Variants in SGTB observed in about 807,000 individuals in gnomAD.
SGTB encodes the protein small glutamine-rich tetratricopeptide repeat-containing protein beta.
In SGTB, 19 loss-of-function variants were observed where a neutral mutation model predicts 43.9. The observed-to-expected ratio is 0.43, with a 90% CI of 0.30 to 0.63. SGTB has a LOEUF of 0.63. Among genes scored for constraint, SGTB ranks in the 30% least tolerant of loss-of-function variants. The pLI, the probability that SGTB is intolerant of heterozygous loss-of-function variation, is 0.12. For synonymous variants in SGTB, 116 were observed against 117.3 expected, an observed-to-expected ratio of 0.99 and a Z score of 0.07; for missense variants, 304 against 358.9, an observed-to-expected ratio of 0.85 and a Z score of 1.24.
chr5:65,707,401 C>T (rs952531026), intron 4 of SGTB, among the ~76,000 whole-genome samples: 11 of 139,702 alleles, frequency 7.9e-5, no homozygotes, highest in African/African-American at 3.2e-4. Flanking sequence ...TTTATACACA[C>T]ACACACACAC....
At chr5:65,701,098 T>C (rs1162504410) in intron 5 of SGTB, among the ~76,000 whole-genome samples, 1 of 149,906 alleles carries the variant, frequency 6.7e-6, no homozygotes, top group Non-Finnish European at 1.5e-5. Context: ...ACAGGAGTTA[T>C]AGGAAAACAA....
In SGTB at chr5:65,671,908, T is replaced by C. The variant is rs376391253; in HGVS notation, c.803+7A>G. The stretch of plus-strand genomic sequence containing the variant: ...TCTTCACTATTTCTGTTTTAAATAA[T>C]ACTTACGCTTGGATGAGGCTTGACA... On this transcript the variant is annotated splice_region_variant and intron_variant, in intron 10 of 10. Coordinates refer to ENST00000381007, the MANE Select transcript of SGTB (RefSeq NM_019072.3). 6.2e-7 allele frequency: 1 copy of C among 1,612,808 alleles called. No homozygotes were observed. Among genetic ancestry groups the C allele is most frequent in the African/African-American group, 1.3e-5 (1 of 74,920 alleles).
intron 6 of SGTB, among the ~76,000 whole-genome samples, chr5:65,681,573 G>T (rs190366936): frequency 6.6e-6 from 1 of 152,122 alleles, no homozygotes; most frequent in Non-Finnish European, 1.5e-5. Context: ...AGTCAACCAT[G>T]TATGATACTT....
intron 3 of SGTB, among the ~76,000 whole-genome samples, chr5:65,709,560 G>A (rs760785523): frequency 2.6e-5 from 4 of 151,862 alleles, no homozygotes; most frequent in Admixed American, 6.6e-5. Context: ...TGTATTTTTC[G>A]TAAAGATGGG....
intron 2 of SGTB, among the ~76,000 whole-genome samples, chr5:65,718,759 T>A (rs995885387): frequency 6.6e-6 from 1 of 152,138 alleles, no homozygotes; most frequent in African/African-American, 2.4e-5. Flanking sequence ...TCAAAAACAA[T>A]TGGCACCCTT....
At chr5:65,670,517 C>G (rs1292652833) in intron 10 of SGTB, among the ~76,000 whole-genome samples, 160 bp from the exon 11 acceptor site, 1 of 152,128 alleles carries the variant, frequency 6.6e-6, no homozygotes, top group African/African-American at 2.4e-5. Flanking sequence ...TTACCAATGC[C>G]TCCATATAGC....
intron 8 of SGTB, among the ~76,000 whole-genome samples, chr5:65,674,670 C>G (rs1370797227): frequency 6.6e-6 from 1 of 152,154 alleles, no homozygotes. Flanking sequence ...TGTTTTTTAT[C>G]CCCATCTTTT....
chr5:65,685,434 G>T lies in SGTB; in HGVS notation c.413C>A (p.Ala138Glu), dbSNP rs141743649. The change falls in exon 6 of 11, where the codon GCG becomes GAG. Residue 138 changes from alanine (A) to glutamate (E), a missense_variant. By Grantham distance (107) the Ala-to-Glu change is moderately radical. Transcript: ENST00000381007. ...AQSKLGHYTDAIKDCEKAIAI... is the reference protein window; with the variant it reads ...AQSKLGHYTDEIKDCEKAIAI... ...TATTGCTTTTTCACAATCCTTTATCGCATCTGTGTAGTGACCTAATTTGCT... is the reference window on the plus strand; with the variant it reads ...TATTGCTTTTTCACAATCCTTTATCTCATCTGTGTAGTGACCTAATTTGCT... 2 of 1,613,822 alleles carry T rather than the reference G, an allele frequency of 1.2e-6. No individual in the cohort carries two copies. Among genetic ancestry groups the T allele is most frequent in the African/African-American group, 2.7e-5 (2 of 74,858 alleles).
chr5:65,683,021 T>C (rs1018931846), intron 6 of SGTB, among the ~76,000 whole-genome samples: 2 of 152,034 alleles, frequency 1.3e-5, no homozygotes, highest in Non-Finnish European at 2.9e-5. Context: ...TTATTTAATA[T>C]ATATATTTTA....
intron 4 of SGTB, 62 bp downstream of exon 4, chr5:65,708,427 A>G: frequency 1.4e-6 from 2 of 1,397,966 alleles, no homozygotes; most frequent in Non-Finnish European, 1.0e-6. Flanking sequence ...ATCAATTGAC[A>G]GTAATTTCCT....
At chr5:65,679,255 T>G (rs1387870842) in intron 8 of SGTB, among the ~76,000 whole-genome samples, 2 of 152,212 alleles carry the variant, frequency 1.3e-5, no homozygotes, top group Non-Finnish European at 2.9e-5. Context: ...TCAACATCAT[T>G]GATCATTAGA....
At chr5:65,678,434 T>C (rs1249167469) in intron 8 of SGTB, among the ~76,000 whole-genome samples, 1 of 152,224 alleles carries the variant, frequency 6.6e-6, no homozygotes, top group African/African-American at 2.4e-5. Flanking sequence ...AAGCAATTTA[T>C]AGATTCAATG....
At chr5:65,706,111 T>C (rs1395422379) in intron 4 of SGTB, among the ~76,000 whole-genome samples, 1 of 152,180 alleles carries the variant, frequency 6.6e-6, no homozygotes, top group Admixed American at 6.5e-5. Context: ...AACTAATGCA[T>C]TGTACCCTTT....
chr5:65,708,766 G>A (rs10074332), intron 3 of SGTB, among the ~76,000 whole-genome samples: 2,626 of 152,264 alleles, frequency 0.017, 75 homozygotes, highest in African/African-American at 0.06. Context: ...CTGTGACTGG[G>A]CGTGGTGGCT....
At chr5:65,679,338 A>G (rs2150705608) in intron 8 of SGTB, among the ~76,000 whole-genome samples, 1 of 152,244 alleles carries the variant, frequency 6.6e-6, no homozygotes. Context: ...AAACTCAAAA[A>G]CAGGCCAGGT....
rs78985378 is a variant in SGTB, at chr5:65,703,296, A to G, written c.374+983T>C. ...ATGATAGGTGCTGGAAATATAAAAAAGAATAAGCAGTAGTAATAGAGATTA... is the reference window on the plus strand; with the variant it reads ...ATGATAGGTGCTGGAAATATAAAAAGGAATAAGCAGTAGTAATAGAGATTA... On this transcript the variant is annotated intron_variant, in intron 5 of 10. Transcript: ENST00000381007. 1.1e-4 allele frequency among the ~76,000 whole-genome samples: 17 copies of G among 152,396 alleles called. No individual in the cohort carries two copies. The East Asian group carries it at 3.3e-3, about 29-fold the overall frequency.
rs574628069 is a variant in SGTB at position 65,693,857 on chromosome 5, T to C, written c.375-8385A>G. ...GAGGCAACACAGAGAAAGGTGTGGC[T>C]AACCCTATGCCAAGCTGTCTAACAG... On this transcript the variant is annotated intron_variant, in intron 5 of 10. Transcript: ENST00000381007. 1.5e-4 allele frequency among the ~76,000 whole-genome samples: 23 copies of C among 152,322 alleles called. No homozygotes were observed. The South Asian group carries it at 4.1e-3, about 27-fold the overall frequency.
At position 65,677,108 on chromosome 5, in the gene SGTB, TCAAA is replaced by T. The variant is rs539174966; in HGVS notation, c.681+3382_681+3385del. ...CTAATGAAGAAAAAAGAGAGAAGAT[TCAAA>T]CAAACACAATCAAAAATGATATTAC... On this transcript the variant is annotated intron_variant, in intron 8 of 10. Transcript: ENST00000381007. Among the ~76,000 whole-genome samples, 17 of 151,032 alleles carry T rather than the reference TCAAA, an allele frequency of 1.1e-4. No homozygotes were observed. The South Asian group carries it at 3.6e-3, about 32-fold the overall frequency.
At position 65,720,684 on chromosome 5, in the gene SGTB, T is replaced by A. The variant is rs374089143; in HGVS notation, c.100+24A>T. ...TCTTCGTTTATAATTATAATATAAA[T>A]GAACACAAAGAGCAGATGCATACCT... On this transcript the variant is annotated intron_variant, in intron 2 of 10. Coordinates refer to ENST00000381007, the MANE Select transcript of SGTB (RefSeq NM_019072.3). 3.8e-6 allele frequency: 6 copies of A among 1,597,220 alleles called. No individual in the cohort carries two copies. In the South Asian group the frequency reaches 6.9e-5, roughly 18 times the overall value.
Sources: gnomAD v4.1 joint callset for allele counts (sites outside exome capture counted in the v4.1 genomes callset) on GRCh38, gnomAD v4.1.1 for gene constraint, MANE v1.5 for transcripts, NCBI Gene and HGNC (gene_info 2026-07-23, HGNC 2026-07-21) for gene names.